The following FMN1 variants were observed in gnomAD, a reference collection of about 807,000 sequenced individuals.
FMN1 encodes formin 1.
A neutral mutation model predicts 132.4 loss-of-function variants in FMN1; 110 were observed. The ratio of observed to expected loss-of-function variants is 0.83; its 90% CI spans 0.71 to 0.97. The LOEUF is 0.97. Among genes scored for constraint, FMN1 ranks in the 50% least tolerant of loss-of-function variants. FMN1 has a pLI of 0.00. For synonymous variants in FMN1, 722 were observed against 651.7 expected, an observed-to-expected ratio of 1.11 and a Z score of -1.64; for missense variants, 1,792 against 1,705.3, an observed-to-expected ratio of 1.05 and a Z score of -0.90.
rs184237232 is a variant in FMN1 at position 33,120,721 on chromosome 15, G to A, written c.1868-31747C>T. On this transcript the variant is annotated intron_variant, in intron 4 of 20. Coordinates refer to ENST00000616417, the MANE Select transcript of FMN1 (RefSeq NM_001277313.2). ...TAAGTGACTACATACCCATTTTACA[G>A]ACATATATATAAGATATGGAAAAAT... Among the ~76,000 whole-genome samples the A allele has an allele frequency of 1.8e-4, 28 of 152,042 alleles. No homozygotes were observed. The East Asian group carries it at 5.0e-3, about 27-fold the overall frequency.
In FMN1 at chr15:32,765,681, T is replaced by C. The variant is rs2140803751; in HGVS notation, c.*8629A>G. On this transcript the variant is annotated 3_prime_UTR_variant, in exon 21 of 21. Coordinates refer to ENST00000616417, the MANE Select transcript of FMN1 (RefSeq NM_001277313.2). ...AGAGGTATCAACAGATTAGGATAAA[T>C]ATAATCTATCACAGAGATAGAATTT... 6.6e-6 allele frequency: 1 copy of C among 152,210 alleles called. No individual in the cohort carries two copies. The highest frequency in any genetic ancestry group is 1.9e-4 in the East Asian group (1 of 5,200). The allele number at this position is 152,210 out of a possible 1,614,324, so 9.4% of individuals were successfully genotyped here. A position where few individuals can be genotyped will look rare whatever the true frequency, so the allele number is the denominator to read the frequency against.
rs953366981 is a variant in FMN1, at chr15:32,772,589, C to T, written c.*1721G>A. 2 of 152,178 alleles carry T rather than the reference C, an allele frequency of 1.3e-5. No individual in the cohort carries two copies. Among genetic ancestry groups the T allele is most frequent in the East Asian group, 1.9e-4 (1 of 5,196 alleles). The allele number at this position is 152,178 out of a possible 1,614,324, so 9.4% of individuals were successfully genotyped here. ...CTTTTTAGTCATGCATGTTCCTTCT[C>T]GGCTTTTCTGTTTTGCTTGTCTCGT... On this transcript the variant is annotated 3_prime_UTR_variant, in exon 21 of 21. Coordinates refer to ENST00000616417, the MANE Select transcript of FMN1 (RefSeq NM_001277313.2).
intron 9 of FMN1, among the ~76,000 whole-genome samples, chr15:32,956,369 T>C (rs1020429655): frequency 6.6e-6 from 1 of 151,382 alleles, no homozygotes; most frequent in Non-Finnish European, 1.5e-5. Flanking sequence ...TCTTTTTTTT[T>C]TTTAAAAAAA....
intron 16 of FMN1, among the ~76,000 whole-genome samples, chr15:32,887,413 A>G (rs977614942): frequency 2.0e-5 from 3 of 152,144 alleles, no homozygotes; most frequent in African/African-American, 7.2e-5. Context: ...CAGTAAAAAC[A>G]CGAGACTCTA....
chr15:33,116,723 A>C (rs768858553), intron 4 of FMN1, among the ~76,000 whole-genome samples: 2 of 151,616 alleles, frequency 1.3e-5, no homozygotes, highest in Non-Finnish European at 2.9e-5. Context: ...ACATGATTAT[A>C]AGATGCGAAA....
At chr15:33,130,529 G>T (rs1963494889) in intron 4 of FMN1, among the ~76,000 whole-genome samples, 2 of 152,166 alleles carry the variant, frequency 1.3e-5, no homozygotes, top group South Asian at 4.1e-4. Context: ...TGGAGTATGT[G>T]CAAACATTAA....
At position 32,976,774 on chromosome 15, in the gene FMN1, C is replaced by G. The variant is rs2032240911; in HGVS notation, c.2224-7297G>C. Among the ~76,000 whole-genome samples, 2 of 152,060 alleles carry G rather than the reference C, an allele frequency of 1.3e-5. 1 individual carries two copies. Among genetic ancestry groups the G allele is most frequent in the South Asian group, 4.2e-4 (2 of 4,818 alleles). ...ATATGAAGCTGACTCCGAGTAAAAC[C>G]CAATGAATGCAATGCTGGAGAGTAC... On this transcript the variant is annotated intron_variant, in intron 7 of 20. Coordinates refer to ENST00000616417, the MANE Select transcript of FMN1 (RefSeq NM_001277313.2).
At chr15:33,055,536 G>A (rs1407081640) in intron 6 of FMN1, among the ~76,000 whole-genome samples, 3 of 151,934 alleles carry the variant, frequency 2.0e-5, no homozygotes, top group Non-Finnish European at 4.4e-5. Flanking sequence ...AGAAGGTGAA[G>A]GTAGGCTTTT....
chr15:32,878,837 A>C (rs1325856026), intron 16 of FMN1, among the ~76,000 whole-genome samples: 2 of 152,190 alleles, frequency 1.3e-5, no homozygotes. Flanking sequence ...AAAGAAAAAA[A>C]CTCAACAAAA....
chr15:33,059,386 T>C (rs935996622), intron 6 of FMN1, among the ~76,000 whole-genome samples: 1 of 152,202 alleles, frequency 6.6e-6, no homozygotes, highest in African/African-American at 2.4e-5. Context: ...TACATATTGG[T>C]TTCAGTTCCT....
In FMN1 at chr15:33,011,452, A is replaced by G. The variant is rs1024582722; in HGVS notation, c.2162-3377T>C. Among the ~76,000 whole-genome samples the G allele has an allele frequency of 6.6e-5, 10 of 152,176 alleles. No individual in the cohort carries two copies. In the East Asian group the frequency reaches 1.9e-3, roughly 29 times the overall value. ...GCTAAACTGTAAAAAGCAAAATTGT[A>G]AATATTTTATAATAATTATCTTATA... On this transcript the variant is annotated intron_variant, in intron 6 of 20. Transcript: ENST00000616417.
In FMN1 at chr15:33,121,832, A is replaced by G. The variant is rs1214573228; in HGVS notation, c.1867+31216T>C. On this transcript the variant is annotated intron_variant, in intron 4 of 20. Transcript: ENST00000616417. ...AGGCGTGAGCCACCACACCCGGCCA[A>G]ATTTTTGTTTTTCTGTTTGTTTGAA... is the stretch of plus-strand genomic sequence containing the variant. 2.0e-5 allele frequency among the ~76,000 whole-genome samples: 3 copies of G among 151,656 alleles called. No individual in the cohort carries two copies. The South Asian group carries it at 6.3e-4, about 32-fold the overall frequency.
chr15:32,788,507 A>T (rs2056955544), intron 19 of FMN1, among the ~76,000 whole-genome samples: 1 of 152,178 alleles, frequency 6.6e-6, no homozygotes, highest in African/African-American at 2.4e-5. Context: ...GCCTGTTTGC[A>T]TGGGTGACTG....
chr15:33,058,810 C>A (rs534804855), intron 6 of FMN1, among the ~76,000 whole-genome samples: 1 of 152,066 alleles, frequency 6.6e-6, no homozygotes, highest in Non-Finnish European at 1.5e-5. Context: ...GTAGATGATG[C>A]GGTGTTTTGA....
rs2038071055 is a variant in FMN1 at position 33,073,343 on chromosome 15, A to G, written c.2044-8269T>C. 2.0e-5 allele frequency among the ~76,000 whole-genome samples: 3 copies of G among 152,238 alleles called. No homozygotes were observed. In the South Asian group the frequency reaches 6.2e-4, roughly 31 times the overall value. On this transcript the variant is annotated intron_variant, in intron 5 of 20. Transcript: ENST00000616417. ...TCTAGCTTCCCAAAGTAGTTCAAATAGCTTCATGCGAAAACCGTTTGAAAC... is the reference window on the plus strand; with the variant it reads ...TCTAGCTTCCCAAAGTAGTTCAAATGGCTTCATGCGAAAACCGTTTGAAAC...
At chr15:33,179,294 A>C (rs1208603050) in intron 3 of FMN1, among the ~76,000 whole-genome samples, 1 of 152,124 alleles carries the variant, frequency 6.6e-6, no homozygotes, top group African/African-American at 2.4e-5. Context: ...TAATGCTCTC[A>C]GAGACTAAAC....
At chr15:33,008,988 T>TA (rs1177650977) in intron 6 of FMN1, among the ~76,000 whole-genome samples, 3 of 152,208 alleles carry the variant, frequency 2.0e-5, no homozygotes, top group Non-Finnish European at 2.9e-5. Context: ...GTAGATTTCC[T>TA]AAATCAGGCA....
intron 17 of FMN1, among the ~76,000 whole-genome samples, chr15:32,816,584 C>T (rs1326339057): frequency 6.6e-6 from 1 of 152,140 alleles, no homozygotes; most frequent in Non-Finnish European, 1.5e-5. Flanking sequence ...AGCGAGTGAC[C>T]TGCCTAAGGT....
intron 17 of FMN1, among the ~76,000 whole-genome samples, chr15:32,851,938 T>C (rs1241774093): frequency 2.0e-5 from 3 of 152,226 alleles, no homozygotes; most frequent in Admixed American, 1.3e-4. Flanking sequence ...AATAGAGAAT[T>C]AGCTTTCTTG....
Sources: gnomAD v4.1 joint callset for allele counts (sites outside exome capture counted in the v4.1 genomes callset) on GRCh38, gnomAD v4.1.1 for gene constraint, MANE v1.5 for transcripts, NCBI Gene and HGNC (gene_info 2026-07-23, HGNC 2026-07-21) for gene names.